GIT1: variants seen among roughly 807,000 people sequenced by gnomAD.
The protein encoded by GIT1 is GIT ArfGAP 1.
A neutral mutation model predicts 91.7 loss-of-function variants in GIT1; 14 were observed. That is an observed-to-expected ratio of 0.15 (90% CI 0.10 to 0.24). GIT1 has a LOEUF of 0.24. GIT1 is among the 10% of genes least tolerant of loss of function. The probability of loss-of-function intolerance (pLI) is 1.00; values close to 1 mark genes in which losing one functional copy is unlikely to be tolerated. For missense variants in GIT1, 717 were observed against 1,024.9 expected (o/e 0.70, Z 4.10); for synonymous variants, 414 against 418.2 (o/e 0.99, Z 0.12).
intron 7 of GIT1, among the ~76,000 whole-genome samples, chr17:29,580,458 G>T (rs1347552895): frequency 2.0e-5 from 3 of 152,208 alleles, no homozygotes; most frequent in Non-Finnish European, 4.4e-5. Flanking sequence ...GCACAGCCTG[G>T]CATGAGGACA....
intron 8 of GIT1, 93 bp from the exon 9 acceptor site, chr17:29,578,464 G>C: frequency 8.2e-7 from 1 of 1,213,602 alleles, no homozygotes; most frequent in South Asian, 1.2e-5. Flanking sequence ...TGGGGAACCG[G>C]TGGCCTTCCT....
At chr17:29,584,179 T>A (rs1363866630) in intron 1 of GIT1, among the ~76,000 whole-genome samples, 1 of 152,236 alleles carries the variant, frequency 6.6e-6, no homozygotes, top group Non-Finnish European at 1.5e-5. Flanking sequence ...GGAGCTGGGC[T>A]TGACTGGGCA....
At chr17:29,588,459 G>A (rs1252821741) in intron 1 of GIT1, among the ~76,000 whole-genome samples, 1 of 152,130 alleles carries the variant, frequency 6.6e-6, no homozygotes, top group Admixed American at 6.5e-5. Context: ...TTAGGAAAAG[G>A]AAGGGAACCA....
chr17:29,581,269 A>T lies in GIT1; in HGVS notation c.761+69T>A. 8.6e-7 allele frequency: 1 copy of T among 1,157,352 alleles called. No individual in the cohort carries two copies. 71.7% of individuals were successfully genotyped at this position (1,157,352 alleles called of 1,614,324 possible). On this transcript the variant is annotated intron_variant, in intron 7 of 19. Transcript: ENST00000225394. This position sits in a 1 kb window ranked among gnomAD's most constrained non-coding sequence, Gnocchi z 4.8. ...CTAGGCCTCTGAAACCTGGGCTGGG[A>T]GCTCTGGGGGTCAGCCACCCACATG...
In GIT1 at chr17:29,581,169, A is replaced by C; in HGVS notation, c.761+169T>G. ...GCCACATATGGAGCTGACATTTTTT[A>C]CCTGCCTTGGGGCCCAGCATTAGGG... On this transcript the variant is annotated intron_variant, in intron 7 of 19. Coordinates refer to ENST00000225394, the MANE Select transcript of GIT1 (RefSeq NM_014030.4). The surrounding 1 kb of genome is among the most constrained non-coding windows in gnomAD (Gnocchi z 4.8). 1.6e-6 allele frequency: 1 copy of C among 629,712 alleles called. No homozygotes were observed. Among genetic ancestry groups the C allele is most frequent in the Admixed American group, 2.5e-5 (1 of 39,346 alleles). The allele number at this position is 629,712 out of a possible 1,614,324, so 39.0% of individuals were successfully genotyped here.
At position 29,574,430 on chromosome 17, in the gene GIT1, C is replaced by CT. The variant is rs1226286118; in HGVS notation, c.*271dup. The CT allele has an allele frequency of 2.0e-6, 1 of 495,320 alleles. No individual in the cohort carries two copies. The highest frequency in any genetic ancestry group is 3.7e-6 in the Non-Finnish European group (1 of 272,562). 30.7% of individuals were successfully genotyped at this position (495,320 alleles called of 1,614,324 possible). A position where few individuals can be genotyped will look rare whatever the true frequency, so the allele number is the denominator to read the frequency against. The stretch of plus-strand genomic sequence containing the variant: ...GAAGGCGAGGGGCTGGGAGTGATGC[C>CT]TTGCAGGCCCCTGCTCACTAGGAGG... On this transcript the variant is annotated 3_prime_UTR_variant, in exon 20 of 20. Coordinates refer to ENST00000225394, the MANE Select transcript of GIT1 (RefSeq NM_014030.4).
intron 2 of GIT1, 39 bp from the exon 3 acceptor site, chr17:29,583,076 C>T (rs752048742): frequency 5.5e-5 from 73 of 1,330,528 alleles, no homozygotes; most frequent in South Asian, 2.2e-4. Context: ...GTGCCCACTG[C>T]GTGCTAAGCA....
In GIT1 at chr17:29,589,593, C is replaced by CCCG. The variant is rs1389141623; in HGVS notation, c.-218_-216dup. ...TCGGGCGCCCTCCGCCCCGCGCCGC[C>CCCG]CCGCCGCCGCTCGCGGCTCCTCTCT... On this transcript the variant is annotated 5_prime_UTR_variant, in exon 1 of 20. Coordinates refer to ENST00000225394, the MANE Select transcript of GIT1 (RefSeq NM_014030.4). The surrounding 1 kb of genome is among the most constrained non-coding windows in gnomAD (Gnocchi z 5.2). 1 of 148,428 alleles carries CCCG rather than the reference C, an allele frequency of 6.7e-6. No homozygotes were observed. The highest frequency in any genetic ancestry group is 1.5e-5 in the Non-Finnish European group (1 of 66,546). The allele number at this position is 148,428 out of a possible 1,614,324, so 9.2% of individuals were successfully genotyped here.
chr17:29,585,912 A>C (rs1457089110), intron 1 of GIT1, among the ~76,000 whole-genome samples: 1 of 152,130 alleles, frequency 6.6e-6, no homozygotes, highest in Non-Finnish European at 1.5e-5. Flanking sequence ...TCCTGGGATC[A>C]CGTTAACCAG....
chr17:29,581,555 C>A lies in GIT1; in HGVS notation c.719-175G>T. On this transcript the variant is annotated intron_variant, in intron 6 of 19. Coordinates refer to ENST00000225394, the MANE Select transcript of GIT1 (RefSeq NM_014030.4). The surrounding 1 kb of genome is among the most constrained non-coding windows in gnomAD (Gnocchi z 4.8). ...CGTGGGAGGATGCAGGATGCCCACCCCCACTCCCTAGCCCCAGCGATGCTA... is the reference window on the plus strand; with the variant it reads ...CGTGGGAGGATGCAGGATGCCCACCACCACTCCCTAGCCCCAGCGATGCTA... 3 of 703,812 alleles carry A rather than the reference C, an allele frequency of 4.3e-6. No individual in the cohort carries two copies. The South Asian group carries it at 4.9e-5, about 11-fold the overall frequency. The allele number at this position is 703,812 out of a possible 1,614,324, so 43.6% of individuals were successfully genotyped here.
rs778656081 is a variant in GIT1, at chr17:29,575,083, G to A, written c.2069C>T (p.Pro690Leu). The change falls in exon 19 of 20, where the codon CCA becomes CTA. Residue 690 changes from proline to leucine, a missense_variant. Pro to Leu is a moderately conservative substitution (Grantham distance 98, BLOSUM62 -3). Coordinates refer to ENST00000225394, the MANE Select transcript of GIT1 (RefSeq NM_014030.4). The surrounding 1 kb of genome is among the most constrained non-coding windows in gnomAD (Gnocchi z 5.5). The part of the protein sequence containing the change: ...LAVTEMASLF[P>L]KRPALEPVRS... The stretch of plus-strand genomic sequence containing the variant: ...TCCTCTCTTTGGCCCCTGTACCTTT[G>A]GGAAGAGGGAGGCCATCTCGGTCAC... 1.9e-5 allele frequency: 31 copies of A among 1,595,144 alleles called. No homozygotes were observed. Among genetic ancestry groups the A allele is most frequent in the Non-Finnish European group, 2.5e-5 (29 of 1,166,366 alleles).
chr17:29,578,288 C>T lies in GIT1; in HGVS notation c.883+11G>A, dbSNP rs761627670. ...GTCCTCCACGCCAGACACTCCTGCT[C>T]CCTGACTCACCTGCATCATTTTCTC... is the stretch of plus-strand genomic sequence containing the variant. On this transcript the variant is annotated intron_variant, in intron 9 of 19. Coordinates refer to ENST00000225394, the MANE Select transcript of GIT1 (RefSeq NM_014030.4). 2 of 1,610,634 alleles carry T rather than the reference C, an allele frequency of 1.2e-6. No homozygotes were observed. The highest frequency in any genetic ancestry group is 1.7e-6 in the Non-Finnish European group (2 of 1,176,826).
chr17:29,580,812 C>A (rs1311440270), intron 7 of GIT1, among the ~76,000 whole-genome samples: 1 of 149,264 alleles, frequency 6.7e-6, no homozygotes, highest in African/African-American at 2.5e-5. Flanking sequence ...TGGAGTTTTG[C>A]TCTTGTTGCT....
rs371203711 is a variant in GIT1 at position 29,576,705 on chromosome 17, C to T, written c.1228-31G>A. Reference sequence around the variant, plus strand: ...GAGAGAGACCTAAGCTGGTCAGCACCTGGGGGCAGGGAGGCCAACACCCGC... The same window carrying T: ...GAGAGAGACCTAAGCTGGTCAGCACTTGGGGGCAGGGAGGCCAACACCCGC... On this transcript the variant is annotated intron_variant, in intron 12 of 19. Coordinates refer to ENST00000225394, the MANE Select transcript of GIT1 (RefSeq NM_014030.4). 8 of 1,612,454 alleles carry T rather than the reference C, an allele frequency of 5.0e-6. No homozygotes were observed. In the African/African-American group the frequency reaches 1.1e-4, roughly 21 times the overall value.
In GIT1 at chr17:29,584,755, G is replaced by A. The variant is rs184267818; in HGVS notation, c.53-1139C>T. On this transcript the variant is annotated intron_variant, in intron 1 of 19. Coordinates refer to ENST00000225394, the MANE Select transcript of GIT1 (RefSeq NM_014030.4). ...TTCAGAAGTATCCCCATCAGGGGAG[G>A]GACAGGCTTAGGGGGATAAGAATCT... Among the ~76,000 whole-genome samples the A allele has an allele frequency of 2.0e-5, 3 of 152,274 alleles. No homozygotes were observed. The East Asian group carries it at 5.8e-4, about 29-fold the overall frequency.
chr17:29,579,813 G>C (rs2033338684), intron 7 of GIT1, among the ~76,000 whole-genome samples: 1 of 152,038 alleles, frequency 6.6e-6, no homozygotes, highest in Non-Finnish European at 1.5e-5. Flanking sequence ...CCATTTCCAG[G>C]AGAGATAACC....
chr17:29,586,285 TTA>T (rs2033592337), intron 1 of GIT1, among the ~76,000 whole-genome samples: 1 of 152,216 alleles, frequency 6.6e-6, no homozygotes. Context: ...TCTTAAAACA[TTA>T]TGAGACTTTT....
At position 29,576,445 on chromosome 17, in the gene GIT1, G is replaced by A; in HGVS notation, c.1386C>T (p.His462=). The change falls in exon 14 of 20, where the codon CAC becomes CAT. Residue 462 remains histidine (H), a synonymous_variant. Transcript: ENST00000225394. ...GCTGCAGGTTCTCCGCCTGCAGCTT[G>A]TGGATCTATGGGTGCAAAGTGCTGT... is the stretch of plus-strand genomic sequence containing the variant. The part of the protein sequence containing the change: ...DELRRLQREI[H]KLQAENLQLR... 6.2e-7 allele frequency: 1 copy of A among 1,612,786 alleles called. No homozygotes were observed. The highest frequency in any genetic ancestry group is 8.5e-7 in the Non-Finnish European group (1 of 1,179,454).
Position 29,581,616 on chromosome 17 carries a change from T to C in GIT1, c.718+126A>G, listed in dbSNP as rs1282116894. 5.3e-6 allele frequency: 4 copies of C among 757,420 alleles called. No individual in the cohort carries two copies. Among genetic ancestry groups the C allele is most frequent in the African/African-American group, 1.7e-5 (1 of 58,116 alleles). 46.9% of individuals were successfully genotyped at this position (757,420 alleles called of 1,614,324 possible). A position where few individuals can be genotyped will look rare whatever the true frequency, so the allele number is the denominator to read the frequency against. On this transcript the variant is annotated intron_variant, in intron 6 of 19. Transcript: ENST00000225394. The surrounding 1 kb of genome is among the most constrained non-coding windows in gnomAD (Gnocchi z 4.8). Reference sequence around the variant, plus strand: ...CCTGCAGTAATTTCACAGGAGCCAGTTGCCTAGCAACATTGCTCCCCAGCC... The same window carrying C: ...CCTGCAGTAATTTCACAGGAGCCAGCTGCCTAGCAACATTGCTCCCCAGCC...
Sources: gnomAD v4.1 joint callset for allele counts (sites outside exome capture counted in the v4.1 genomes callset) on GRCh38, gnomAD v4.1.1 for gene constraint, Gnocchi (gnomAD v3.1) non-coding constraint, MANE v1.5 for transcripts, NCBI Gene and HGNC (gene_info 2026-07-23, HGNC 2026-07-21) for gene names.